Variants in SETBP1 observed in about 807,000 individuals in gnomAD.
SETBP1 encodes SET binding protein 1.
A neutral mutation model predicts 101.0 loss-of-function variants in SETBP1; 9 were observed. The ratio of observed to expected loss-of-function variants is 0.09; its 90% confidence interval spans 0.05 to 0.16. The LOEUF (loss-of-function observed/expected upper bound fraction) is 0.16. Ranked by LOEUF, SETBP1 falls within the 10% of genes least tolerant of loss-of-function variation. SETBP1 has a pLI of 1.00. For missense variants in SETBP1, 1,858 were observed against 2,033.8 expected, an observed-to-expected ratio of 0.91 and a Z score of 1.66; for synonymous variants, 818 against 788.5, an observed-to-expected ratio of 1.04 and a Z score of -0.63.
chr18:44,750,886 A>T (rs1368268192), intron 2 of SETBP1, among the ~76,000 whole-genome samples: 1 of 152,212 alleles, frequency 6.6e-6, no homozygotes, highest in African/African-American at 2.4e-5. Flanking sequence ...ATATAAAAAG[A>T]TAGGAGACCA....
chr18:44,794,726 T>A (rs2071438490), intron 2 of SETBP1, among the ~76,000 whole-genome samples: 1 of 152,168 alleles, frequency 6.6e-6, no homozygotes, highest in Admixed American at 6.5e-5. Flanking sequence ...CAGGAAGATT[T>A]GCTGGACCTC....
rs1241014649 is a variant in SETBP1, at chr18:44,952,914, A to G, written c.3574A>G (p.Ser1192Gly). 6.2e-7 allele frequency: 1 copy of G among 1,614,110 alleles called. No individual in the cohort carries two copies. The highest frequency in any genetic ancestry group is 8.5e-7 in the Non-Finnish European group (1 of 1,180,044). ...SSHILSERLS[S>G]ADKELPLVSE... ...CCACATCCTGAGCGAGCGGCTGAGT[A>G]GCGCAGACAAAGAGCTCCCGCTGGT... Residue 1192 changes from serine (S) to glycine (G), a missense_variant, in exon 4 of 6, where the codon AGC becomes GGC. Coordinates refer to ENST00000649279, the MANE Select transcript of SETBP1 (RefSeq NM_015559.3).
intron 2 of SETBP1, among the ~76,000 whole-genome samples, chr18:44,742,266 C>T (rs1160252136): frequency 6.6e-6 from 1 of 152,154 alleles, no homozygotes; most frequent in Non-Finnish European, 1.5e-5. Flanking sequence ...GATCTCAGCC[C>T]CGCACCCCGG....
At chr18:45,008,996 G>A (rs1333688703) in intron 4 of SETBP1, among the ~76,000 whole-genome samples, 1 of 152,164 alleles carries the variant, frequency 6.6e-6, no homozygotes, top group Non-Finnish European at 1.5e-5. Flanking sequence ...TTTCACAGAT[G>A]AACGAACAGG....
chr18:44,803,641 G>A (rs77862896), intron 2 of SETBP1, among the ~76,000 whole-genome samples: 2,126 of 152,144 alleles, frequency 0.014, 41 homozygotes, highest in African/African-American at 0.048. Flanking sequence ...GTGAAAACAA[G>A]GAGTTGGGCA....
chr18:45,053,410 G>T (rs1161699093), intron 5 of SETBP1, among the ~76,000 whole-genome samples: 5 of 152,152 alleles, frequency 3.3e-5, no homozygotes, highest in African/African-American at 1.2e-4. Flanking sequence ...AAACCTGGAG[G>T]TATATGACTT....
At chr18:44,924,658 T>C (rs1364074232) in intron 3 of SETBP1, among the ~76,000 whole-genome samples, 1 of 152,152 alleles carries the variant, frequency 6.6e-6, no homozygotes, top group African/African-American at 2.4e-5. Context: ...TTTGCTAATA[T>C]GGCAGAGGAT....
At chr18:45,046,240 A>G (rs1190870097) in intron 5 of SETBP1, among the ~76,000 whole-genome samples, 1 of 152,222 alleles carries the variant, frequency 6.6e-6, no homozygotes, top group Non-Finnish European at 1.5e-5. Flanking sequence ...GTATTGAACA[A>G]CTGTTTCCTG....
At chr18:44,939,080 G>A (rs2071027470) in intron 3 of SETBP1, among the ~76,000 whole-genome samples, 1 of 151,906 alleles carries the variant, frequency 6.6e-6, no homozygotes, top group African/African-American at 2.4e-5. Flanking sequence ...TAACATGATT[G>A]AGGTTAAATG....
intron 4 of SETBP1, among the ~76,000 whole-genome samples, chr18:44,970,328 A>G (rs1281852410): frequency 1.3e-5 from 2 of 152,226 alleles, no homozygotes; most frequent in African/African-American, 4.8e-5. Flanking sequence ...AATAGTAGTT[A>G]GTAACTCACG....
intron 2 of SETBP1, among the ~76,000 whole-genome samples, chr18:44,765,507 T>C (rs1412702524): frequency 6.6e-6 from 1 of 152,206 alleles, no homozygotes; most frequent in African/African-American, 2.4e-5. Flanking sequence ...ATGTGATAAA[T>C]GGCCAGCAAC....
intron 4 of SETBP1, among the ~76,000 whole-genome samples, chr18:45,001,605 G>A (rs2072620006): frequency 1.3e-5 from 2 of 152,158 alleles, no homozygotes; most frequent in African/African-American, 4.8e-5. Context: ...AGGAGGAGCA[G>A]CAGGAAGGAC....
At chr18:45,016,815 C>T (rs888387169) in intron 4 of SETBP1, among the ~76,000 whole-genome samples, 4 of 149,742 alleles carry the variant, frequency 2.7e-5, no homozygotes, top group Non-Finnish European at 5.9e-5. Context: ...CTCCCCACCT[C>T]CTATTCCCCG....
chr18:45,060,736 A>G (rs555339729), intron 5 of SETBP1, among the ~76,000 whole-genome samples: 25 of 152,254 alleles, frequency 1.6e-4, no homozygotes, highest in African/African-American at 5.3e-4. Flanking sequence ...GCTATCTGCT[A>G]GGTTTCTGTT....
intron 2 of SETBP1, among the ~76,000 whole-genome samples, chr18:44,748,740 A>C (rs1048445509): frequency 6.6e-6 from 1 of 152,228 alleles, no homozygotes; most frequent in African/African-American, 2.4e-5. Context: ...TGGACCTCAG[A>C]TCCAGACATA....
chr18:44,816,251 G>T (rs2071973520), intron 2 of SETBP1, among the ~76,000 whole-genome samples: 1 of 152,188 alleles, frequency 6.6e-6, no homozygotes, highest in Non-Finnish European at 1.5e-5. Context: ...GTGGGAGGAG[G>T]TTTAGGGCAG....
chr18:44,763,471 T>C (rs1388215708), intron 2 of SETBP1, among the ~76,000 whole-genome samples: 1 of 152,212 alleles, frequency 6.6e-6, no homozygotes, highest in Non-Finnish European at 1.5e-5. Context: ...TCAAGGTGTT[T>C]GCGTGTCTGG....
intron 2 of SETBP1, among the ~76,000 whole-genome samples, chr18:44,842,611 G>C (rs2072639547): frequency 6.6e-6 from 1 of 152,178 alleles, no homozygotes; most frequent in African/African-American, 2.4e-5. Context: ...GGTTTTGGTT[G>C]GGAGTCCTGC....
intron 3 of SETBP1, among the ~76,000 whole-genome samples, chr18:44,920,293 A>C (rs1197568822): frequency 6.6e-6 from 1 of 152,140 alleles, no homozygotes; most frequent in Non-Finnish European, 1.5e-5. Context: ...CCATCTCTAG[A>C]TACTATTGCA....
Sources: gnomAD v4.1 joint callset for allele counts (sites outside exome capture counted in the v4.1 genomes callset) on GRCh38, gnomAD v4.1.1 for gene constraint, MANE v1.5 for transcripts, NCBI Gene and HGNC (gene_info 2026-07-23, HGNC 2026-07-21) for gene names.